Variants in RSRC1 observed in about 807,000 individuals in gnomAD.
The protein encoded by RSRC1 is arginine and serine rich coiled-coil 1.
RSRC1 carries 39 observed loss-of-function variants against 49.1 expected under a neutral mutation model. The ratio of observed to expected loss-of-function variants is 0.79; its 90% confidence interval spans 0.61 to 1.04. The LOEUF (loss-of-function observed/expected upper bound fraction) is 1.04, where lower values mean the gene tolerates loss of function less well. RSRC1 is among the 50% of genes least tolerant of loss of function. RSRC1 has a pLI of 0.00. For synonymous variants in RSRC1, 143 were observed against 130.8 expected (o/e 1.09, Z -0.63); for missense variants, 388 against 402.4 (o/e 0.96, Z 0.31).
At chr3:158,120,484 A>G (rs1238609246) in intron 1 of RSRC1, among the ~76,000 whole-genome samples, 1 of 150,130 alleles carries the variant, frequency 6.7e-6, no homozygotes, top group Non-Finnish European at 1.5e-5. Flanking sequence ...CACAAAAGTA[A>G]TTGTGGTTTT....
intron 6 of RSRC1, among the ~76,000 whole-genome samples, chr3:158,419,046 A>C (rs908879055): frequency 6.6e-6 from 1 of 151,990 alleles, no homozygotes; most frequent in Non-Finnish European, 1.5e-5. Flanking sequence ...ATGGTTTACT[A>C]TAAGTACCTC....
At chr3:158,298,437 A>C (rs1052995506) in intron 5 of RSRC1, among the ~76,000 whole-genome samples, 1 of 152,110 alleles carries the variant, frequency 6.6e-6, no homozygotes, top group Non-Finnish European at 1.5e-5. Context: ...TATTGCATGC[A>C]TAAATATGGT....
intron 5 of RSRC1, chr3:158,336,900 A>G (rs1330050775): frequency 6.6e-6 from 1 of 152,018 alleles, no homozygotes; most frequent in East Asian, 1.9e-4. Flanking sequence ...TACATATCCT[A>G]TGTGTTTCAG....
chr3:158,448,032 T>C (rs1041830485), intron 6 of RSRC1, among the ~76,000 whole-genome samples: 1 of 151,908 alleles, frequency 6.6e-6, no homozygotes, highest in African/African-American at 2.4e-5. Flanking sequence ...ATATGATTTT[T>C]TTTCACAAGG....
intron 6 of RSRC1, among the ~76,000 whole-genome samples, chr3:158,375,214 G>T (rs1732298070): frequency 6.7e-6 from 1 of 148,508 alleles, no homozygotes. Flanking sequence ...TTATTTTTTT[G>T]AGACAGGGTC....
intron 6 of RSRC1, among the ~76,000 whole-genome samples, chr3:158,404,820 C>T: frequency 6.6e-6 from 1 of 151,874 alleles, no homozygotes; most frequent in Non-Finnish European, 1.5e-5. Context: ...TTACATTTTT[C>T]AATTTGTTCC....
intron 3 of RSRC1, among the ~76,000 whole-genome samples, chr3:158,195,980 G>T (rs1462051851): frequency 5.3e-5 from 8 of 152,044 alleles, no homozygotes; most frequent in African/African-American, 1.7e-4. Context: ...TGGCGATGCG[G>T]GCTCTTTTTT....
intron 3 of RSRC1, among the ~76,000 whole-genome samples, chr3:158,137,676 G>A (rs1716469084): frequency 7.8e-6 from 1 of 128,704 alleles, no homozygotes; most frequent in Non-Finnish European, 1.6e-5. Context: ...TTTTTGAGAT[G>A]GAGTCTTGCA....
intron 1 of RSRC1, among the ~76,000 whole-genome samples, chr3:158,118,945 G>A (rs1013125344): frequency 6.6e-6 from 1 of 152,086 alleles, no homozygotes; most frequent in Non-Finnish European, 1.5e-5. Context: ...CACACAGAGG[G>A]CTATGACTTT....
chr3:158,221,895 G>A (rs1005610157), intron 4 of RSRC1, among the ~76,000 whole-genome samples: 10 of 151,580 alleles, frequency 6.6e-5, no homozygotes, highest in South Asian at 4.2e-4. Context: ...GGAGAGATTC[G>A]TATAATGAAG....
rs182449770 is a variant in RSRC1 at position 158,194,909 on chromosome 3, A to G, written c.321-8163A>G. Among the ~76,000 whole-genome samples, 43 of 152,216 alleles carry G rather than the reference A, an allele frequency of 2.8e-4. No homozygotes were observed. In the East Asian group the frequency reaches 7.5e-3, roughly 27 times the overall value. ...TCCAGTCTATCATTGTTGGACATTTAGGATAGGTTCCAAGTCTTTGCTATT... is the reference window on the plus strand; with the variant it reads ...TCCAGTCTATCATTGTTGGACATTTGGGATAGGTTCCAAGTCTTTGCTATT... On this transcript the variant is annotated intron_variant, in intron 3 of 9. Transcript: ENST00000611884.
intron 7 of RSRC1, among the ~76,000 whole-genome samples, chr3:158,524,855 A>G (rs1040658701): frequency 6.6e-6 from 1 of 152,008 alleles, no homozygotes; most frequent in East Asian, 1.9e-4. Context: ...AGGAAAAGAA[A>G]CATTGACCCT....
rs142156672 is a variant in RSRC1, at chr3:158,482,411, C to T, written c.652+21408C>T. On this transcript the variant is annotated intron_variant, in intron 7 of 9. Transcript: ENST00000611884. Reference sequence around the variant, plus strand: ...AATATTCTTCAACTTTTAGTTTTCACTTTAATTATTATTACTTCACTTTAA... The same window carrying T: ...AATATTCTTCAACTTTTAGTTTTCATTTTAATTATTATTACTTCACTTTAA... Among the ~76,000 whole-genome samples, 209 of 152,144 alleles carry T rather than the reference C, an allele frequency of 1.4e-3. 2 individuals carry two copies. Among genetic ancestry groups the T allele is most frequent in the African/African-American group, 4.9e-3 (205 of 41,572 alleles).
intron 4 of RSRC1, among the ~76,000 whole-genome samples, chr3:158,278,076 T>C (rs1423462690): frequency 6.6e-6 from 1 of 152,186 alleles, no homozygotes; most frequent in African/African-American, 2.4e-5. Flanking sequence ...ACAACTAGAC[T>C]TTACCACTGT....
At chr3:158,444,627 G>A (rs1040270359) in intron 6 of RSRC1, among the ~76,000 whole-genome samples, 12 of 152,196 alleles carry the variant, frequency 7.9e-5, no homozygotes, top group African/African-American at 2.4e-4. Flanking sequence ...AACAGCAAAA[G>A]CAATGGCAAC....
At chr3:158,232,293 A>T (rs990836337) in intron 4 of RSRC1, among the ~76,000 whole-genome samples, 2 of 152,172 alleles carry the variant, frequency 1.3e-5, no homozygotes, top group African/African-American at 2.4e-5. Flanking sequence ...AACTGATCAA[A>T]TCTTAACATT....
At chr3:158,185,127 C>G (rs1470817497) in intron 3 of RSRC1, among the ~76,000 whole-genome samples, 1 of 151,586 alleles carries the variant, frequency 6.6e-6, no homozygotes, top group Non-Finnish European at 1.5e-5. Context: ...TTTTAAATTC[C>G]AAAAATAAGC....
intron 5 of RSRC1, among the ~76,000 whole-genome samples, chr3:158,320,496 C>T (rs1380698249): frequency 1.3e-5 from 2 of 152,048 alleles, no homozygotes; most frequent in Non-Finnish European, 2.9e-5. Context: ...ATTCAACTAA[C>T]CATTTAGAAT....
intron 7 of RSRC1, among the ~76,000 whole-genome samples, chr3:158,513,618 A>C: frequency 6.6e-6 from 1 of 152,182 alleles, no homozygotes; most frequent in Non-Finnish European, 1.5e-5. Flanking sequence ...TATCAGGATG[A>C]TGCTGGCCTC....
Sources: allele counts gnomAD v4.1 joint callset (sites outside exome capture counted in the v4.1 genomes callset), GRCh38; gene constraint gnomAD v4.1.1; transcripts MANE v1.5; gene names NCBI Gene and HGNC (gene_info 2026-07-23, HGNC 2026-07-21).